NFKB1: variants seen among roughly 807,000 people sequenced by gnomAD.
NFKB1 encodes the protein nuclear factor NF-kappa-B p105 subunit.
Under a neutral mutation model 105.1 loss-of-function variants are expected in NFKB1, and 9 were observed. The observed-to-expected ratio is 0.09, with a 90% CI of 0.05 to 0.15. NFKB1 has a LOEUF of 0.15. Among genes scored for constraint, NFKB1 ranks in the 10% least tolerant of loss-of-function variants. The pLI is 1.00. For synonymous variants in NFKB1, 440 were observed against 442.2 expected (o/e 1.00, Z 0.06); for missense variants, 830 against 1,203.7 (o/e 0.69, Z 4.59).
intron 10 of NFKB1, among the ~76,000 whole-genome samples, chr4:102,583,201 G>A (rs4648035): frequency 4.6e-4 from 70 of 152,104 alleles, no homozygotes; most frequent in African/African-American, 1.5e-3. Flanking sequence ...GCTCAGGCTC[G>A]TCTTGAACTC....
At chr4:102,570,801 G>C (rs1724275193) in intron 6 of NFKB1, among the ~76,000 whole-genome samples, 1 of 152,170 alleles carries the variant, frequency 6.6e-6, no homozygotes, top group African/African-American at 2.4e-5. Context: ...TCTTCAAGGA[G>C]AACTACAAAC....
intron 4 of NFKB1, among the ~76,000 whole-genome samples, chr4:102,534,643 A>G (rs550870382): frequency 9.9e-5 from 15 of 152,252 alleles, no homozygotes; most frequent in Non-Finnish European, 2.1e-4. Flanking sequence ...GAATGGAAAT[A>G]ATGGTGTAGT....
At chr4:102,580,496 G>T in intron 8 of NFKB1, 39 bp from the exon 9 acceptor site, 1 of 1,563,312 alleles carries the variant, frequency 6.4e-7, no homozygotes, top group Non-Finnish European at 8.8e-7. Context: ...TTGAGCTGAG[G>T]ATTAATCATG....
At chr4:102,514,610 A>G (rs189148600) in intron 1 of NFKB1, among the ~76,000 whole-genome samples, 4 of 152,302 alleles carry the variant, frequency 2.6e-5, no homozygotes, top group African/African-American at 4.8e-5. Flanking sequence ...ATTCTGTTAT[A>G]GCAGCATTGA....
In NFKB1 at chr4:102,519,973, A is replaced by G. The variant is rs534035824; in HGVS notation, c.-7-5539A>G. ...GCACTGTCATGATGTGATGATGTTC[A>G]TTAGGGTTTCTCATGCTCAGCGTTA... On this transcript the variant is annotated intron_variant, in intron 1 of 23. Transcript: ENST00000226574. Among the ~76,000 whole-genome samples, 5 of 152,306 alleles carry G rather than the reference A, an allele frequency of 3.3e-5. No homozygotes were observed. The East Asian group carries it at 9.7e-4, about 29-fold the overall frequency.
At chr4:102,506,728 C>T (rs1739439641) in intron 1 of NFKB1, among the ~76,000 whole-genome samples, 1 of 152,114 alleles carries the variant, frequency 6.6e-6, no homozygotes, top group South Asian at 2.1e-4. Flanking sequence ...TAATGCAGTC[C>T]TGTGGGAAAA....
intron 4 of NFKB1, among the ~76,000 whole-genome samples, chr4:102,537,042 T>C (rs1472573409): frequency 6.6e-6 from 1 of 152,196 alleles, no homozygotes; most frequent in Non-Finnish European, 1.5e-5. Flanking sequence ...CATAAAAAGT[T>C]AGAACTGGAG....
chr4:102,612,370 A>G, intron 21 of NFKB1, 64 bp from the exon 22 acceptor site: 1 of 1,529,826 alleles, frequency 6.5e-7, no homozygotes, highest in Non-Finnish European at 8.9e-7. Context: ...GGCAGCAATG[A>G]TCAGTCCCTC....
intron 5 of NFKB1, among the ~76,000 whole-genome samples, chr4:102,549,182 C>T (rs892890327): frequency 3.9e-5 from 6 of 151,912 alleles, no homozygotes; most frequent in African/African-American, 1.5e-4. Context: ...TGTCATTTAT[C>T]GAGTTCTTAC....
At chr4:102,532,411 GAGCT>G (rs1741352189) in intron 3 of NFKB1, among the ~76,000 whole-genome samples, 1 of 152,120 alleles carries the variant, frequency 6.6e-6, no homozygotes, top group Non-Finnish European at 1.5e-5. Flanking sequence ...GGTAGATCAC[GAGCT>G]CAGGAGTTCA....
At chr4:102,580,746 C>A in intron 9 of NFKB1, 107 bp downstream of exon 9, 1 of 780,504 alleles carries the variant, frequency 1.3e-6, no homozygotes. Flanking sequence ...AAACATCCCT[C>A]TGCTGCCACA....
rs1468630629 is a variant in NFKB1 at position 102,533,891 on chromosome 4, A to T, written c.159+6A>T. ...TATTAGAGCAACCTAAACAGGTAAG[A>T]TTAAAGGGGTGGGACTTTAAATGTT... On this transcript the variant is annotated splice_donor_region_variant and intron_variant, in intron 4 of 23. Coordinates refer to ENST00000226574, the MANE Select transcript of NFKB1 (RefSeq NM_003998.4). The T allele has an allele frequency of 1.2e-6, 2 of 1,611,000 alleles. No homozygotes were observed. The highest frequency in any genetic ancestry group is 1.7e-6 in the Non-Finnish European group (2 of 1,178,226).
At chr4:102,584,902 G>A in intron 11 of NFKB1, 82 bp downstream of exon 11, 2 of 1,314,744 alleles carry the variant, frequency 1.5e-6, no homozygotes, top group Non-Finnish European at 2.1e-6. Flanking sequence ...TTTGTTTTGA[G>A]ACAGAGTCTG....
At chr4:102,523,079 A>G (rs1179135130) in intron 1 of NFKB1, among the ~76,000 whole-genome samples, 1 of 152,180 alleles carries the variant, frequency 6.6e-6, no homozygotes, top group South Asian at 2.1e-4. Flanking sequence ...TATTCTTTTC[A>G]AAAATCCATT....
At chr4:102,537,211 A>C (rs1259204293) in intron 4 of NFKB1, among the ~76,000 whole-genome samples, 1 of 152,190 alleles carries the variant, frequency 6.6e-6, no homozygotes, top group East Asian at 1.9e-4. Flanking sequence ...GTTAGATAGT[A>C]TTTAAGGGAA....
chr4:102,528,444 T>A (rs1741067798), intron 2 of NFKB1, among the ~76,000 whole-genome samples: 1 of 152,158 alleles, frequency 6.6e-6, no homozygotes, highest in South Asian at 2.1e-4. Flanking sequence ...TACTGTTTAT[T>A]TAAACGAGAT....
chr4:102,564,623 A>G (rs230492), intron 5 of NFKB1, among the ~76,000 whole-genome samples: 110,755 of 152,164 alleles, frequency 0.73, 41,644 homozygotes, highest in African/African-American at 0.92. Context: ...CCCTTCAGCC[A>G]TGAAGTAGTA....
chr4:102,515,915 G>A (rs543502735), intron 1 of NFKB1, among the ~76,000 whole-genome samples: 1 of 152,266 alleles, frequency 6.6e-6, no homozygotes, highest in African/African-American at 2.4e-5. Flanking sequence ...TTTTTAGCAT[G>A]TCTTTTAGCA....
intron 3 of NFKB1, among the ~76,000 whole-genome samples, chr4:102,531,167 C>T (rs1483538886): frequency 1.3e-5 from 2 of 152,166 alleles, no homozygotes; most frequent in African/African-American, 2.4e-5. Flanking sequence ...TATCCTGAGG[C>T]AGACGTTTTC....
Sources: gnomAD v4.1 joint callset for allele counts (sites outside exome capture counted in the v4.1 genomes callset) on GRCh38, gnomAD v4.1.1 for gene constraint, MANE v1.5 for transcripts, NCBI Gene and HGNC (gene_info 2026-07-23, HGNC 2026-07-21) for gene names.